The following MAF variants were observed in gnomAD, a reference collection of about 807,000 sequenced individuals.
MAF encodes MAF bZIP transcription factor.
In MAF, 10 loss-of-function variants were observed where a neutral mutation model predicts 22.0. The ratio of observed to expected loss-of-function variants is 0.45; its 90% CI spans 0.28 to 0.77. The LOEUF is 0.77. MAF is among the 30% of genes least tolerant of loss of function. The pLI, the probability that MAF is intolerant of heterozygous loss-of-function variation, is 0.12. For missense variants in MAF, 544 were observed against 548.4 expected (o/e 0.99, Z 0.08); for synonymous variants, 337 against 255.8 (o/e 1.32, Z -3.03).
chr16:79,362,438 G>T, the MAF span, among the ~76,000 whole-genome samples: 17 of 152,124 alleles, frequency 1.1e-4, no homozygotes, highest in Non-Finnish European at 1.8e-4. Flanking sequence ...TGCTGAGAAG[G>T]TTAAATTGAG....
At chr16:79,308,612 G>A in the MAF span, among the ~76,000 whole-genome samples, 3 of 152,278 alleles carry the variant, frequency 2.0e-5, no homozygotes, top group East Asian at 1.9e-4. Flanking sequence ...CATCTTGTCC[G>A]TCAACATCTC....
the MAF span, among the ~76,000 whole-genome samples, chr16:79,401,558 C>A: frequency 1.2e-4 from 19 of 152,164 alleles, no homozygotes; most frequent in African/African-American, 4.6e-4. Context: ...ACAAAATAAG[C>A]CAGTCTGGGA....
chr16:79,470,964 A>C, the MAF span, among the ~76,000 whole-genome samples: 1 of 152,256 alleles, frequency 6.6e-6, no homozygotes, highest in Non-Finnish European at 1.5e-5. Flanking sequence ...TATATAATGC[A>C]TGGAAGATGG....
At chr16:79,482,044 C>A in the MAF span, among the ~76,000 whole-genome samples, 2 of 152,024 alleles carry the variant, frequency 1.3e-5, no homozygotes, top group Non-Finnish European at 2.9e-5. Context: ...ATGAGGCCTG[C>A]AGGGGTTCGG....
the MAF span, among the ~76,000 whole-genome samples, chr16:79,211,032 G>GTGTGTGTGT: frequency 5.6e-3 from 170 of 30,452 alleles, no homozygotes; most frequent in Non-Finnish European, 8.1e-3. Context: ...TGTATGGTGA[G>GTGTGTGTGT]GAGTGTGTGT....
chr16:79,434,392 C>G, the MAF span, among the ~76,000 whole-genome samples: 61 of 152,098 alleles, frequency 4.0e-4, no homozygotes, highest in African/African-American at 1.4e-3. Context: ...TGTAAATGCT[C>G]TCATGGTGGC....
chr16:79,544,510 C>A, the MAF span, among the ~76,000 whole-genome samples: 1 of 152,084 alleles, frequency 6.6e-6, no homozygotes, highest in Admixed American at 6.5e-5. Flanking sequence ...CATGGTGGCT[C>A]ATGCCTGTAA....
chr16:79,395,334 T>C, the MAF span, among the ~76,000 whole-genome samples: 1 of 152,248 alleles, frequency 6.6e-6, no homozygotes, highest in Admixed American at 6.5e-5. Context: ...TGAGGGAGCA[T>C]AGGTTTGCTA....
At chr16:79,534,711 A>C in the MAF span, among the ~76,000 whole-genome samples, 1 of 152,204 alleles carries the variant, frequency 6.6e-6, no homozygotes, top group Non-Finnish European at 1.5e-5. Flanking sequence ...TGTTGTGCAC[A>C]TGTACCCTAG....
chr16:79,479,508 G>T, the MAF span, among the ~76,000 whole-genome samples: 5 of 152,198 alleles, frequency 3.3e-5, no homozygotes, highest in Non-Finnish European at 7.3e-5. Context: ...TCAGGGCGGG[G>T]CCATCACTGC....
the MAF span, among the ~76,000 whole-genome samples, chr16:79,445,907 C>T: frequency 6.6e-6 from 1 of 152,124 alleles, no homozygotes; most frequent in Non-Finnish European, 1.5e-5. Context: ...TTTGAGCAGA[C>T]CATCCTTAAT....
chr16:79,208,861 G>T, the MAF span, among the ~76,000 whole-genome samples: 39 of 152,286 alleles, frequency 2.6e-4, no homozygotes, highest in Admixed American at 2.4e-3. Flanking sequence ...AGAGACCAAA[G>T]GTGTGGTGTG....
the MAF span, among the ~76,000 whole-genome samples, chr16:79,520,354 C>T: frequency 6.6e-6 from 1 of 152,150 alleles, no homozygotes; most frequent in African/African-American, 2.4e-5. Flanking sequence ...GTACATTTCC[C>T]ATCTCCTCTG....
At chr16:79,473,625 A>G in the MAF span, among the ~76,000 whole-genome samples, 1 of 152,114 alleles carries the variant, frequency 6.6e-6, no homozygotes, top group Admixed American at 6.5e-5. Context: ...TGAGTTCAGC[A>G]CTCCAGAGCA....
the MAF span, among the ~76,000 whole-genome samples, chr16:79,216,488 T>G: frequency 6.0e-4 from 92 of 152,336 alleles, 2 homozygotes; most frequent in African/African-American, 2.2e-3. Context: ...ATATGACTAT[T>G]GTTTCTTCCT....
chr16:79,547,746 C>G, the MAF span, among the ~76,000 whole-genome samples: 1 of 152,098 alleles, frequency 6.6e-6, no homozygotes, highest in East Asian at 1.9e-4. Context: ...CACCATATAG[C>G]ATAAATCCCA....
chr16:79,298,599 A>G, the MAF span, among the ~76,000 whole-genome samples: 1 of 152,358 alleles, frequency 6.6e-6, no homozygotes, highest in South Asian at 2.1e-4. Flanking sequence ...GAAATGCAGG[A>G]GAGTGGGCAC....
the MAF span, among the ~76,000 whole-genome samples, chr16:79,428,849 A>T: frequency 6.8e-6 from 1 of 146,596 alleles, no homozygotes. Flanking sequence ...TGTCTCAGAA[A>T]AATAATAATA....
At chr16:79,227,808 G>C in the MAF span, among the ~76,000 whole-genome samples, 1 of 151,832 alleles carries the variant, frequency 6.6e-6, no homozygotes, top group Non-Finnish European at 1.5e-5. Flanking sequence ...GAAATATTTA[G>C]ACTTAAAAAA....
Sources: gnomAD v4.1 joint callset for allele counts (sites outside exome capture counted in the v4.1 genomes callset) on GRCh38, gnomAD v4.1.1 for gene constraint, MANE v1.5 for transcripts, NCBI Gene and HGNC (gene_info 2026-07-23, HGNC 2026-07-21) for gene names.